ASTN2: variants seen among roughly 807,000 people sequenced by gnomAD.
The protein encoded by ASTN2 is astrotactin-2.
In ASTN2, 54 loss-of-function variants were observed where a neutral mutation model predicts 139.8. That is an observed-to-expected ratio of 0.39 (90% CI 0.31 to 0.48). The LOEUF (loss-of-function observed/expected upper bound fraction) is 0.48. Ranked by LOEUF, ASTN2 falls within the 20% of genes least tolerant of loss-of-function variation. The pLI is 0.95. For synonymous variants in ASTN2, 756 were observed against 719.5 expected (o/e 1.05, Z -0.81); for missense variants, 1,565 against 1,725.1 (o/e 0.91, Z 1.64).
chr9:116,792,218 C>T (rs919815985), intron 13 of ASTN2, among the ~76,000 whole-genome samples: 4 of 152,112 alleles, frequency 2.6e-5, no homozygotes, highest in African/African-American at 9.7e-5. Flanking sequence ...CTTAATTTTA[C>T]TACTTACTTT....
At chr9:116,921,360 G>C (rs148222027) in intron 10 of ASTN2, among the ~76,000 whole-genome samples, 2 of 151,962 alleles carry the variant, frequency 1.3e-5, no homozygotes, top group African/African-American at 4.8e-5. Flanking sequence ...AGGCTGAGGC[G>C]GGCGGATCAC....
chr9:116,830,624 TCTAC>T (rs1831780556), intron 11 of ASTN2, among the ~76,000 whole-genome samples: 1 of 136,168 alleles, frequency 7.3e-6, no homozygotes, highest in South Asian at 2.5e-4. Flanking sequence ...AAACCCTGTC[TCTAC>T]TAAAAGTACA....
chr9:116,762,153 T>C lies in ASTN2; in HGVS notation c.2397-28630A>G, dbSNP rs1037164767. The stretch of plus-strand genomic sequence containing the variant: ...GCACTGTTGAAATATTAGTTATCAG[T>C]TATTTAATTATAGCTGTAATATTGG... On this transcript the variant is annotated intron_variant, in intron 13 of 22. Transcript: ENST00000313400. Among the ~76,000 whole-genome samples, 95 of 152,234 alleles carry C rather than the reference T, an allele frequency of 6.2e-4. 1 individual carries two copies. Among genetic ancestry groups the C allele is most frequent in the Non-Finnish European group, 1.1e-3 (76 of 68,042 alleles).
intron 20 of ASTN2, among the ~76,000 whole-genome samples, chr9:116,479,503 G>T (rs1246039329): frequency 1.3e-5 from 2 of 152,102 alleles, no homozygotes; most frequent in East Asian, 3.9e-4. Flanking sequence ...AGGATTGTTG[G>T]GCCAGGAGCC....
At chr9:117,169,742 G>T (rs1201444835) in intron 3 of ASTN2, among the ~76,000 whole-genome samples, 1 of 152,004 alleles carries the variant, frequency 6.6e-6, no homozygotes, top group South Asian at 2.1e-4. Flanking sequence ...GTGGGGTGGG[G>T]CAGGGGGCTG....
chr9:117,408,106 GAAA>G (rs1184705559), intron 1 of ASTN2, among the ~76,000 whole-genome samples: 1 of 151,916 alleles, frequency 6.6e-6, no homozygotes, highest in East Asian at 1.9e-4. Flanking sequence ...ACTCAGGCAG[GAAA>G]ACCAATTCAA....
chr9:117,079,929 A>T, intron 5 of ASTN2, among the ~76,000 whole-genome samples: 1 of 152,270 alleles, frequency 6.6e-6, no homozygotes, highest in Non-Finnish European at 1.5e-5. Flanking sequence ...ATTTCATTAC[A>T]ATCTTGAAAC....
chr9:117,095,487 C>T (rs575011092), intron 5 of ASTN2, among the ~76,000 whole-genome samples: 4 of 152,188 alleles, frequency 2.6e-5, no homozygotes, highest in Non-Finnish European at 5.9e-5. Flanking sequence ...GAAAGGCACA[C>T]GGTATCTTAT....
At chr9:117,002,286 A>T (rs1837213086) in intron 7 of ASTN2, among the ~76,000 whole-genome samples, 1 of 152,230 alleles carries the variant, frequency 6.6e-6, no homozygotes, top group African/African-American at 2.4e-5. Flanking sequence ...AGAAGAAGTA[A>T]TCCATTCTAC....
intron 19 of ASTN2, among the ~76,000 whole-genome samples, chr9:116,573,034 C>T (rs113607292): frequency 6.7e-6 from 1 of 148,216 alleles, no homozygotes; most frequent in African/African-American, 2.5e-5. Flanking sequence ...CACACACACA[C>T]ATATATACAC....
At chr9:116,653,772 A>T (rs1198372219) in intron 16 of ASTN2, among the ~76,000 whole-genome samples, 3 of 152,226 alleles carry the variant, frequency 2.0e-5, no homozygotes, top group African/African-American at 7.2e-5. Context: ...CACAGCCTTC[A>T]TTCATTACTC....
At chr9:117,124,180 A>G (rs765940318) in intron 4 of ASTN2, among the ~76,000 whole-genome samples, 50 of 152,128 alleles carry the variant, frequency 3.3e-4, no homozygotes, top group Non-Finnish European at 6.2e-4. Context: ...CAGAGATCTG[A>G]ACTGGGAGTC....
intron 1 of ASTN2, among the ~76,000 whole-genome samples, chr9:117,398,809 T>C (rs938035937): frequency 1.3e-5 from 2 of 152,140 alleles, no homozygotes; most frequent in Admixed American, 6.5e-5. Flanking sequence ...TGAGATGGAG[T>C]CTTGCTCTGC....
chr9:117,073,074 T>C (rs10983505), intron 5 of ASTN2, among the ~76,000 whole-genome samples: 34,160 of 151,960 alleles, frequency 0.22, 4,680 homozygotes, highest in African/African-American at 0.39. Context: ...AAGTCAAAGA[T>C]GATATAGTGC....
chr9:116,477,019 C>T lies in ASTN2; in HGVS notation c.3497+10340G>A, dbSNP rs145538720. Among the ~76,000 whole-genome samples the T allele has an allele frequency of 5.5e-3, 838 of 152,220 alleles. 1 individual carries two copies. Among genetic ancestry groups the T allele is most frequent in the Non-Finnish European group, 8.5e-3 (577 of 68,016 alleles). On this transcript the variant is annotated intron_variant, in intron 20 of 22. Coordinates refer to ENST00000313400, the MANE Select transcript of ASTN2 (RefSeq NM_001365068.1). The stretch of plus-strand genomic sequence containing the variant: ...CAGTATTCAAGGCTTAGCCCTCCAG[C>T]GCAGCCTCAGCTCCCACCCCCTCCC...
chr9:116,635,593 C>G (rs1184769658), intron 17 of ASTN2, among the ~76,000 whole-genome samples: 1 of 152,148 alleles, frequency 6.6e-6, no homozygotes, highest in Non-Finnish European at 1.5e-5. Flanking sequence ...CAGGGAAGCA[C>G]TGTAGAGGGA....
chr9:117,043,919 A>AAG (rs148691438), intron 5 of ASTN2, among the ~76,000 whole-genome samples: 20,622 of 146,762 alleles, frequency 0.14, 1,687 homozygotes, highest in African/African-American at 0.16. Flanking sequence ...AAAAAAAAAA[A>AAG]AAAAGAAAAG....
intron 1 of ASTN2, among the ~76,000 whole-genome samples, chr9:117,312,823 A>T (rs1376230736): frequency 6.6e-6 from 1 of 152,142 alleles, no homozygotes; most frequent in African/African-American, 2.4e-5. Flanking sequence ...CTAAGGCTCC[A>T]TAAGGCCTTT....
At chr9:116,467,561 G>A (rs543926724) in intron 20 of ASTN2, among the ~76,000 whole-genome samples, 14 of 152,306 alleles carry the variant, frequency 9.2e-5, no homozygotes, top group Non-Finnish European at 1.8e-4. Context: ...CACTGCACCC[G>A]GCCGAGACAG....
Sources: gnomAD v4.1 joint callset for allele counts (sites outside exome capture counted in the v4.1 genomes callset) on GRCh38, gnomAD v4.1.1 for gene constraint, MANE v1.5 for transcripts, NCBI Gene and HGNC (gene_info 2026-07-23, HGNC 2026-07-21) for gene names.